The following KCNC2 variants were observed in gnomAD, a reference collection of about 807,000 sequenced individuals.
KCNC2 encodes voltage-gated potassium channel KCNC2.
In KCNC2, 21 loss-of-function variants were observed where a neutral mutation model predicts 44.5. The observed-to-expected ratio is 0.47, with a 90% CI of 0.33 to 0.68. KCNC2 has a LOEUF of 0.68. Among genes scored for constraint, KCNC2 ranks in the 30% least tolerant of loss-of-function variants. The pLI is 0.01. For synonymous variants in KCNC2, 391 were observed against 339.1 expected (o/e 1.15, Z -1.68); for missense variants, 589 against 826.2 (o/e 0.71, Z 3.52).
At chr12:75,044,298 A>G (rs1226321029) in intron 4 of KCNC2, among the ~76,000 whole-genome samples, 1 of 151,982 alleles carries the variant, frequency 6.6e-6, no homozygotes, top group Non-Finnish European at 1.5e-5. Context: ...GTTATAGAAC[A>G]GGAAAATGAA....
chr12:75,163,479 G>A (rs117464934), intron 2 of KCNC2, among the ~76,000 whole-genome samples: 7,960 of 151,740 alleles, frequency 0.052, 305 homozygotes, highest in Non-Finnish European at 0.08. Context: ...GTTTCTGCAC[G>A]CTAATAATTT....
Position 75,051,067 on chromosome 12 carries a change from T to C in KCNC2, c.938A>G (p.Asn313Ser). 2 of 1,613,840 alleles carry C rather than the reference T, an allele frequency of 1.2e-6. No individual in the cohort carries two copies. Among genetic ancestry groups the C allele is most frequent in the Non-Finnish European group, 1.7e-6 (2 of 1,179,868 alleles). The change falls in exon 3 of 5, where the codon AAT (asparagine) becomes AGT (serine). Residue 313 changes from asparagine to serine, a missense_variant. Physicochemically the swap from Asn to Ser is conservative, Grantham distance 46. This residue lies in a region of KCNC2 where 67 missense variants were observed against 237.4 expected (regional missense o/e 0.28). Coordinates refer to ENST00000549446, the MANE Select transcript of KCNC2 (RefSeq NM_139137.4). The stretch of plus-strand genomic sequence containing the variant: ...CACAAAGTCAATGATATTCAAGAGA[T>C]TTTTGATGAATTCAAGTTTATTGGG... ...FSPNKLEFIK[N>S]LLNIIDFVAI...
At chr12:75,151,069 A>G (rs1228377241) in intron 2 of KCNC2, among the ~76,000 whole-genome samples, 1 of 151,950 alleles carries the variant, frequency 6.6e-6, no homozygotes, top group Non-Finnish European at 1.5e-5. Flanking sequence ...AAGTCAAAAG[A>G]TTTTGAATTT....
intron 2 of KCNC2, among the ~76,000 whole-genome samples, chr12:75,100,928 C>T (rs1886323765): frequency 6.6e-6 from 1 of 151,996 alleles, no homozygotes; most frequent in African/African-American, 2.4e-5. Context: ...CATTGTAACA[C>T]TGAATTATGT....
intron 2 of KCNC2, among the ~76,000 whole-genome samples, chr12:75,058,858 A>G (rs965598319): frequency 1.3e-5 from 2 of 152,098 alleles, no homozygotes; most frequent in South Asian, 2.1e-4. Flanking sequence ...TGTAGCTCCA[A>G]TGAAGCCCCA....
At chr12:75,117,258 T>A (rs1241323305) in intron 2 of KCNC2, among the ~76,000 whole-genome samples, 1 of 152,172 alleles carries the variant, frequency 6.6e-6, no homozygotes, top group East Asian at 1.9e-4. Context: ...CCTGCTCCTT[T>A]CAAAATATAT....
At chr12:75,141,100 AC>A (rs1889621356) in intron 2 of KCNC2, among the ~76,000 whole-genome samples, 1 of 152,072 alleles carries the variant, frequency 6.6e-6, no homozygotes, top group Non-Finnish European at 1.5e-5. Context: ...CAATTGCATA[AC>A]CCACCATACA....
chr12:75,169,627 T>C (rs1260462947), intron 2 of KCNC2, among the ~76,000 whole-genome samples: 2 of 151,680 alleles, frequency 1.3e-5, no homozygotes, highest in Non-Finnish European at 3.0e-5. Flanking sequence ...ACAAAGTAAA[T>C]TTTAAAAACC....
intron 2 of KCNC2, among the ~76,000 whole-genome samples, chr12:75,179,366 AG>A (rs1284321935): frequency 6.6e-6 from 1 of 151,986 alleles, no homozygotes; most frequent in African/African-American, 2.4e-5. Context: ...AAAATATATA[AG>A]GAGTGAGTTT....
chr12:75,049,257 G>A (rs1219614791), intron 3 of KCNC2, among the ~76,000 whole-genome samples: 3 of 152,092 alleles, frequency 2.0e-5, no homozygotes. Context: ...AGAAGCTAAG[G>A]AGGGACCTAT....
chr12:75,181,784 T>C (rs1030451693), intron 2 of KCNC2, among the ~76,000 whole-genome samples: 11 of 152,110 alleles, frequency 7.2e-5, no homozygotes, highest in Non-Finnish European at 1.2e-4. Flanking sequence ...ACTGTGCCAA[T>C]GTCACAGTTT....
intron 2 of KCNC2, among the ~76,000 whole-genome samples, chr12:75,110,364 G>T (rs1027803397): frequency 6.6e-6 from 1 of 152,126 alleles, no homozygotes; most frequent in Non-Finnish European, 1.5e-5. Context: ...AATACTAAGA[G>T]ATAGAAGCTA....
At chr12:75,182,553 A>C (rs1367993494) in intron 2 of KCNC2, among the ~76,000 whole-genome samples, 4 of 151,702 alleles carry the variant, frequency 2.6e-5, no homozygotes, top group African/African-American at 4.8e-5. Context: ...AAAACAAAAA[A>C]AAACAAACAG....
chr12:75,165,539 TAA>T (rs1891392536), intron 2 of KCNC2, among the ~76,000 whole-genome samples: 1 of 151,498 alleles, frequency 6.6e-6, no homozygotes, highest in South Asian at 2.1e-4. Flanking sequence ...TCTTATTTAA[TAA>T]GTTATTTTTT....
At chr12:75,157,437 C>A (rs577009145) in intron 2 of KCNC2, among the ~76,000 whole-genome samples, 4 of 151,942 alleles carry the variant, frequency 2.6e-5, no homozygotes, top group South Asian at 4.1e-4. Context: ...ATGAATCAGA[C>A]AAAAGAAAGC....
intron 2 of KCNC2, among the ~76,000 whole-genome samples, chr12:75,170,794 C>T (rs1223527423): frequency 1.3e-5 from 2 of 151,634 alleles, no homozygotes; most frequent in Non-Finnish European, 3.0e-5. Flanking sequence ...GGGCAACACC[C>T]AATAGTTATC....
chr12:75,076,550 G>T (rs940302350), intron 2 of KCNC2, among the ~76,000 whole-genome samples: 21 of 152,272 alleles, frequency 1.4e-4, no homozygotes, highest in Non-Finnish European at 2.9e-4. Context: ...GGGATTACAG[G>T]CGTGAGCCAC....
At chr12:75,150,343 A>G (rs1311298008) in intron 2 of KCNC2, among the ~76,000 whole-genome samples, 1 of 151,904 alleles carries the variant, frequency 6.6e-6, no homozygotes, top group Non-Finnish European at 1.5e-5. Flanking sequence ...TCTGTGAAAT[A>G]TATCACACTA....
Position 75,097,134 on chromosome 12 carries a change from T to C in KCNC2, c.688-45817A>G, listed in dbSNP as rs563680538. Among the ~76,000 whole-genome samples the C allele has an allele frequency of 7.9e-5, 12 of 152,130 alleles. 1 individual carries two copies. The South Asian group carries it at 2.5e-3, about 32-fold the overall frequency. ...GGACCTTAAATGTATATTGCTAAGT[T>C]AAAGAAGGCAATCCAAAAAGGCTAC... On this transcript the variant is annotated intron_variant, in intron 2 of 4. Coordinates refer to ENST00000549446, the MANE Select transcript of KCNC2 (RefSeq NM_139137.4).
Sources: gnomAD v4.1 joint callset for allele counts (sites outside exome capture counted in the v4.1 genomes callset) on GRCh38, gnomAD v4.1.1 for gene constraint, gnomAD v4.1.1 regional missense constraint, MANE v1.5 for transcripts, NCBI Gene and HGNC (gene_info 2026-07-23, HGNC 2026-07-21) for gene names.